The following TUSC3 variants were observed in gnomAD, a reference collection of about 807,000 sequenced individuals.
TUSC3 encodes tumor suppressor candidate 3.
A neutral mutation model predicts 44.8 loss-of-function variants in TUSC3; 45 were observed. That is an observed-to-expected ratio of 1.00 (90% CI 0.79 to 1.29). The LOEUF is 1.29. TUSC3 is among the 50% of genes most tolerant of loss of function. TUSC3 has a pLI of 0.00. For synonymous variants in TUSC3, 212 were observed against 152.9 expected (o/e 1.39, Z -2.85); for missense variants, 519 against 437.9 (o/e 1.19, Z -1.65).
intron 1 of TUSC3, among the ~76,000 whole-genome samples, chr8:15,425,793 G>A (rs1284939912): frequency 2.0e-5 from 3 of 152,148 alleles, no homozygotes; most frequent in Admixed American, 6.5e-5. Context: ...TATTCCAAGC[G>A]GCCTGATGAC....
rs1430755029 is a variant in TUSC3, at chr8:15,764,736, T to TA, written c.*581dup. The TA allele has an allele frequency of 6.5e-6, 1 of 152,968 alleles. No individual in the cohort carries two copies. The highest frequency in any genetic ancestry group is 1.5e-5 in the Non-Finnish European group (1 of 68,608). The allele number at this position is 152,968 out of a possible 1,614,324, so 9.5% of individuals were successfully genotyped here. A position where few individuals can be genotyped will look rare whatever the true frequency, so the allele number is the denominator to read the frequency against. On this transcript the variant is annotated 3_prime_UTR_variant, in exon 11 of 11. Coordinates refer to ENST00000503731, the MANE Select transcript of TUSC3 (RefSeq NM_006765.4). ...GACAGGGAACTGGATGAATGGTACC[T>TA]ACAATTTGGATGCCTAACCAAGGAC...
intron 2 of TUSC3, among the ~76,000 whole-genome samples, chr8:15,506,869 T>C (rs1801059031): frequency 6.6e-6 from 1 of 152,150 alleles, no homozygotes; most frequent in Non-Finnish European, 1.5e-5. Flanking sequence ...GAATGCATGC[T>C]CAGAGAAGCC....
intron 2 of TUSC3, among the ~76,000 whole-genome samples, chr8:15,523,785 C>T (rs528370038): frequency 8.7e-5 from 13 of 148,900 alleles, no homozygotes; most frequent in East Asian, 3.9e-4. Context: ...AGGCAGGGCG[C>T]GGAGGCTTAC....
the TUSC3 span, among the ~76,000 whole-genome samples, chr8:15,804,394 T>A: frequency 1.3e-5 from 2 of 152,208 alleles, no homozygotes; most frequent in African/African-American, 4.8e-5. Context: ...GAGTCATAAA[T>A]TATTTCTTAA....
chr8:15,730,820 C>G (rs950487976), intron 7 of TUSC3, 91 bp downstream of exon 7: 1 of 1,249,554 alleles, frequency 8.0e-7, no homozygotes. Context: ...AATATCAAGA[C>G]TTTTAAGAGA....
chr8:15,714,957 A>G (rs984677123), intron 6 of TUSC3, among the ~76,000 whole-genome samples: 2 of 152,144 alleles, frequency 1.3e-5, no homozygotes, highest in Non-Finnish European at 2.9e-5. Flanking sequence ...GGAATCTATG[A>G]TACAACGGTA....
intron 2 of TUSC3, among the ~76,000 whole-genome samples, chr8:15,627,702 A>T (rs1400743079): frequency 6.6e-6 from 1 of 152,176 alleles, no homozygotes; most frequent in Non-Finnish European, 1.5e-5. Context: ...AGCTGCTTGC[A>T]GTCCACCTGC....
chr8:15,786,715 C>A, the TUSC3 span, among the ~76,000 whole-genome samples: 1 of 151,616 alleles, frequency 6.6e-6, no homozygotes, highest in Non-Finnish European at 1.5e-5. Flanking sequence ...GTGGCCGAGG[C>A]GGTGGATCAC....
At chr8:15,677,540 T>C (rs905065747) in intron 6 of TUSC3, among the ~76,000 whole-genome samples, 1 of 152,200 alleles carries the variant, frequency 6.6e-6, no homozygotes, top group African/African-American at 2.4e-5. Flanking sequence ...TTCTCTCTGT[T>C]CTTCTTCTGT....
chr8:15,611,574 C>G (rs1585151698), intron 1 of TUSC3, among the ~76,000 whole-genome samples: 2 of 152,246 alleles, frequency 1.3e-5, no homozygotes, highest in South Asian at 4.1e-4. Context: ...TTGCTGAGTT[C>G]TTAACTGATT....
At position 15,575,362 on chromosome 8, in the gene TUSC3, C is replaced by T. The variant is rs923882314; in HGVS notation, c.138+34794C>T. On this transcript the variant is annotated intron_variant, in intron 1 of 10. Coordinates refer to ENST00000503731, the MANE Select transcript of TUSC3 (RefSeq NM_006765.4). Reference sequence around the variant, plus strand: ...TGATATTCAAATATATTTTTCAAGTCAAATGGAATTTTTATGTGGCAACTA... The same window carrying T: ...TGATATTCAAATATATTTTTCAAGTTAAATGGAATTTTTATGTGGCAACTA... Among the ~76,000 whole-genome samples, 3 of 152,026 alleles carry T rather than the reference C, an allele frequency of 2.0e-5. 1 individual carries two copies. Among genetic ancestry groups the T allele is most frequent in the Non-Finnish European group, 4.4e-5 (3 of 68,000 alleles).
At chr8:15,563,662 A>G in intron 1 of TUSC3, among the ~76,000 whole-genome samples, 1 of 127,874 alleles carries the variant, frequency 7.8e-6, no homozygotes, top group African/African-American at 2.9e-5. Context: ...CTCCAGCCTG[A>G]GTGACAGAGT....
intron 7 of TUSC3, among the ~76,000 whole-genome samples, chr8:15,735,859 C>A (rs1167900428): frequency 6.7e-6 from 1 of 148,456 alleles, no homozygotes; most frequent in Non-Finnish European, 1.5e-5. Flanking sequence ...GCTGCCACAC[C>A]CGGCTAATGG....
chr8:15,427,075 G>GTTTTTTTTTTTTTTTTTT (rs367932724), intron 1 of TUSC3, among the ~76,000 whole-genome samples: 2 of 145,960 alleles, frequency 1.4e-5, no homozygotes, highest in African/African-American at 2.5e-5. Flanking sequence ...GTTGTTTGGT[G>GTTTTTTTTTTTTTTTTTT]TTTGTTTTTT....
chr8:15,522,973 G>T (rs1585075020), intron 2 of TUSC3, among the ~76,000 whole-genome samples: 1 of 152,266 alleles, frequency 6.6e-6, no homozygotes, highest in East Asian at 1.9e-4. Context: ...CCAATGCGAA[G>T]ATGCATCGTT....
chr8:15,649,636 G>GT (rs756390098), intron 2 of TUSC3, among the ~76,000 whole-genome samples: 51 of 150,642 alleles, frequency 3.4e-4, no homozygotes, highest in African/African-American at 1.0e-3. Flanking sequence ...TTAGCTTCAT[G>GT]TTTTTTTTAA....
At chr8:15,670,863 A>G (rs1223220800) in intron 5 of TUSC3, among the ~76,000 whole-genome samples, 1 of 151,962 alleles carries the variant, frequency 6.6e-6, no homozygotes, top group Admixed American at 6.6e-5. Context: ...TGAAATTTTA[A>G]AAGAGGTAAA....
chr8:15,715,867 G>A (rs539383481), intron 6 of TUSC3, among the ~76,000 whole-genome samples: 30 of 152,000 alleles, frequency 2.0e-4, no homozygotes, highest in Non-Finnish European at 3.2e-4. Context: ...CCATGAAAAC[G>A]TATCTTTTTT....
At chr8:15,847,930 T>A in the TUSC3 span, among the ~76,000 whole-genome samples, 1 of 152,190 alleles carries the variant, frequency 6.6e-6, no homozygotes, top group Non-Finnish European at 1.5e-5. Flanking sequence ...ATAAATGAAA[T>A]CATTCTTTCT....
Sources: gnomAD v4.1 joint callset for allele counts (sites outside exome capture counted in the v4.1 genomes callset) on GRCh38, gnomAD v4.1.1 for gene constraint, MANE v1.5 for transcripts, NCBI Gene and HGNC (gene_info 2026-07-23, HGNC 2026-07-21) for gene names.